Variants in RIOK3 observed in about 807,000 individuals in gnomAD.
RIOK3 encodes the protein serine/threonine-protein kinase RIO3.
A neutral mutation model predicts 63.5 loss-of-function variants in RIOK3; 40 were observed. That is an observed-to-expected ratio of 0.63 (90% confidence interval 0.49 to 0.82). RIOK3 has a LOEUF of 0.82. RIOK3 is among the 40% of genes least tolerant of loss of function. The pLI is 0.00. For missense variants in RIOK3, 557 were observed against 637.0 expected (o/e 0.87, Z 1.35); for synonymous variants, 193 against 205.0 (o/e 0.94, Z 0.50).
chr18:23,475,194 G>A, intron 9 of RIOK3, 87 bp downstream of exon 9: 1 of 1,054,018 alleles, frequency 9.5e-7, no homozygotes, highest in South Asian at 1.6e-5. Flanking sequence ...AAGAAGCCAG[G>A]CATGTTGGCT....
chr18:23,466,360 T>A, intron 6 of RIOK3, 84 bp downstream of exon 6: 2 of 1,118,990 alleles, frequency 1.8e-6, no homozygotes, highest in Non-Finnish European at 2.5e-6. Flanking sequence ...AAAAACTTCA[T>A]GTTTGATATT....
intron 9 of RIOK3, 65 bp from the exon 10 acceptor site, chr18:23,476,941 G>A (rs1440283679): frequency 3.0e-6 from 4 of 1,349,256 alleles, no homozygotes; most frequent in Non-Finnish European, 4.2e-6. Context: ...AAACTTTCAG[G>A]GGTGTCATCA....
intron 1 of RIOK3, among the ~76,000 whole-genome samples, chr18:23,461,296 A>G (rs1244785894): frequency 6.6e-6 from 1 of 152,252 alleles, no homozygotes; most frequent in Non-Finnish European, 1.5e-5. Context: ...GACACTCAGT[A>G]GTAGTTAAGG....
At chr18:23,475,941 C>CTTT (rs374984418) in intron 9 of RIOK3, among the ~76,000 whole-genome samples, 64 of 80,020 alleles carry the variant, frequency 8.0e-4, no homozygotes, top group African/African-American at 2.0e-3. Flanking sequence ...TTTTTTGGGG[C>CTTT]TTTTTTTTTT....
intron 1 of RIOK3, among the ~76,000 whole-genome samples, chr18:23,459,506 C>G (rs1489456930): frequency 6.6e-6 from 1 of 152,152 alleles, no homozygotes; most frequent in Non-Finnish European, 1.5e-5. Context: ...TCTGCATTAA[C>G]AGTGTTTGCA....
chr18:23,480,960 G>A (rs1470337075), intron 12 of RIOK3, among the ~76,000 whole-genome samples: 5 of 151,918 alleles, frequency 3.3e-5, no homozygotes, highest in Admixed American at 2.0e-4. Flanking sequence ...TGGCACATGT[G>A]TCCCAGCTAC....
intron 7 of RIOK3, among the ~76,000 whole-genome samples, chr18:23,473,115 G>C (rs1469374947): frequency 1.3e-5 from 2 of 152,144 alleles, no homozygotes; most frequent in Admixed American, 6.6e-5. Context: ...ACCATATTGG[G>C]AAGACTGTAG....
intron 1 of RIOK3, 22 bp from the exon 2 acceptor site, chr18:23,462,942 G>C (rs554510760): frequency 2.6e-6 from 3 of 1,149,168 alleles, no homozygotes; most frequent in South Asian, 3.5e-5. Flanking sequence ...GAATTGAGCT[G>C]TTCTTTTTTC....
chr18:23,453,982 A>C (rs917740617), intron 1 of RIOK3, among the ~76,000 whole-genome samples: 2 of 152,054 alleles, frequency 1.3e-5, no homozygotes, highest in African/African-American at 4.8e-5. Flanking sequence ...ACCCAGGCGC[A>C]CCCTCCTCCC....
chr18:23,466,570 G>T (rs537410911), intron 6 of RIOK3, among the ~76,000 whole-genome samples: 1 of 151,764 alleles, frequency 6.6e-6, no homozygotes, highest in South Asian at 2.1e-4. Flanking sequence ...CACACCTGTG[G>T]TCCCAGCTAC....
At chr18:23,456,182 C>T (rs866584854) in intron 1 of RIOK3, among the ~76,000 whole-genome samples, 1 of 152,034 alleles carries the variant, frequency 6.6e-6, no homozygotes, top group Non-Finnish European at 1.5e-5. Context: ...TACCCCACCC[C>T]CTTCCGCCCT....
chr18:23,464,853 A>C (rs1250528990), intron 5 of RIOK3, among the ~76,000 whole-genome samples: 3 of 152,240 alleles, frequency 2.0e-5, no homozygotes, highest in African/African-American at 7.2e-5. Flanking sequence ...TTTGACTCAC[A>C]TTGATTCTAA....
Position 23,477,228 on chromosome 18 carries a change from G to T in RIOK3, c.1304G>T (p.Gly435Val), listed in dbSNP as rs2057497537. The stretch of plus-strand genomic sequence containing the variant: ...TCAGTAGAACCTACCCACCCTCACG[G>T]CCTGGAGTTCTTGTTCCGGGACTGC... ...SQSVEPTHPH[G>V]LEFLFRDCRN... Residue 435 changes from glycine to valine, a missense_variant, in exon 11 of 13, where the codon GGC (glycine) becomes GTC (valine). Physicochemically the swap from Gly to Val is moderately radical, Grantham distance 109. This residue lies in a region of RIOK3 where 309 missense variants were observed against 338.7 expected (regional missense o/e 0.91). Transcript: ENST00000339486. 6.2e-7 allele frequency: 1 copy of T among 1,614,028 alleles called. No individual in the cohort carries two copies. Among genetic ancestry groups the T allele is most frequent in the Non-Finnish European group, 8.5e-7 (1 of 1,180,032 alleles).
chr18:23,464,071 A>G lies in RIOK3; in HGVS notation c.284A>G (p.Gln95Arg), dbSNP rs1473798004. The change falls in exon 3 of 13, where the codon CAG becomes CGG. Residue 95 changes from glutamine to arginine, a missense_variant. Around this residue, in one of 3 missense-constraint regions of RIOK3, gnomAD observed 243 missense variants for 275.4 expected, o/e 0.88. Coordinates refer to ENST00000339486, the MANE Select transcript of RIOK3 (RefSeq NM_003831.5). ...GAATATGACAGAGAATATGATGCAC[A>G]GCTTAGGCGTGAAGAAAAAAAATTC... ...QMEYDREYDA[Q>R]LRREEKKFNG... 1 of 1,612,898 alleles carries G rather than the reference A, an allele frequency of 6.2e-7. No individual in the cohort carries two copies. The highest frequency in any genetic ancestry group is 1.7e-5 in the Admixed American group (1 of 59,706).
Position 23,476,947 on chromosome 18 carries a change from C to G in RIOK3, c.1174-59C>G. ...AAAAATAAAAAACTTTCAGGGGTGT[C>G]ATCATCAATAATACCACTTAATTAT... is the stretch of plus-strand genomic sequence containing the variant. On this transcript the variant is annotated intron_variant, in intron 9 of 12. Transcript: ENST00000339486. The G allele has an allele frequency of 2.1e-6, 3 of 1,409,800 alleles. No individual in the cohort carries two copies. The South Asian group carries it at 3.5e-5, about 17-fold the overall frequency. The allele number at this position is 1,409,800 out of a possible 1,614,324, so 87.3% of individuals were successfully genotyped here.
At chr18:23,457,646 A>G (rs1276430442) in intron 1 of RIOK3, among the ~76,000 whole-genome samples, 1 of 152,230 alleles carries the variant, frequency 6.6e-6, no homozygotes, top group African/African-American at 2.4e-5. Flanking sequence ...CTAGTTTTTT[A>G]AAAGTAAGAC....
At position 23,479,404 on chromosome 18, in the gene RIOK3, G is replaced by C. The variant is rs778925236; in HGVS notation, c.1432G>C (p.Glu478Gln). The change falls in exon 12 of 13, where the codon GAA (glutamate) becomes CAA (glutamine). Residue 478 changes from glutamate to glutamine, a missense_variant. By Grantham distance (29) the Glu-to-Gln change is conservative. Around this residue, in one of 3 missense-constraint regions of RIOK3, gnomAD observed 309 missense variants for 338.7 expected, o/e 0.91. Coordinates refer to ENST00000339486, the MANE Select transcript of RIOK3 (RefSeq NM_003831.5). The stretch of plus-strand genomic sequence containing the variant: ...AGGCTTAAACATCACAGCAGATAAT[G>C]AAGCTGATTTTTTAGCTGAGGTATG... ...VSGLNITADN[E>Q]ADFLAEIEAL... The C allele has an allele frequency of 1.4e-5, 22 of 1,612,842 alleles. No individual in the cohort carries two copies. The highest frequency in any genetic ancestry group is 1.8e-5 in the Non-Finnish European group (21 of 1,179,046).
At chr18:23,480,045 A>G (rs1444246110) in intron 12 of RIOK3, among the ~76,000 whole-genome samples, 3 of 152,182 alleles carry the variant, frequency 2.0e-5, no homozygotes, top group Non-Finnish European at 4.4e-5. Flanking sequence ...AAATAGTAAC[A>G]TGTGGTCCCT....
intron 1 of RIOK3, among the ~76,000 whole-genome samples, chr18:23,460,781 C>A (rs1017655497): frequency 2.0e-5 from 3 of 152,022 alleles, no homozygotes; most frequent in Admixed American, 2.0e-4. Flanking sequence ...GTCATGAGGC[C>A]AAAAAATTAG....
Sources: allele counts gnomAD v4.1 joint callset (sites outside exome capture counted in the v4.1 genomes callset), GRCh38; gene constraint gnomAD v4.1.1; regional missense constraint gnomAD v4.1.1; transcripts MANE v1.5; gene names NCBI Gene and HGNC (gene_info 2026-07-23, HGNC 2026-07-21).